Variants in KCND2 observed in about 807,000 individuals in gnomAD.
The protein encoded by KCND2 is A-type voltage-gated potassium channel KCND2.
In KCND2, 16 loss-of-function variants were observed where a neutral mutation model predicts 54.4. The ratio of observed to expected loss-of-function variants is 0.29; its 90% CI spans 0.20 to 0.45. The LOEUF is 0.45. KCND2 is among the 20% of genes least tolerant of loss of function. The pLI, the probability that KCND2 is intolerant of heterozygous loss-of-function variation, is 1.00. For missense variants in KCND2, 486 were observed against 824.2 expected (o/e 0.59, Z 5.02); for synonymous variants, 317 against 310.7 (o/e 1.02, Z -0.21).
chr7:120,673,478 T>C (rs960675116), intron 1 of KCND2, among the ~76,000 whole-genome samples: 1 of 152,104 alleles, frequency 6.6e-6, no homozygotes, highest in African/African-American at 2.4e-5. Flanking sequence ...TTATCATTGG[T>C]ACATTCAGTT....
intron 1 of KCND2, among the ~76,000 whole-genome samples, chr7:120,686,635 GT>G (rs1288161055): frequency 2.6e-5 from 4 of 152,148 alleles, no homozygotes; most frequent in African/African-American, 9.7e-5. Context: ...CGAGTGCATG[GT>G]TTGACCTTTG....
intron 1 of KCND2, among the ~76,000 whole-genome samples, chr7:120,553,799 G>A (rs1047797812): frequency 6.6e-6 from 1 of 152,174 alleles, no homozygotes; most frequent in Non-Finnish European, 1.5e-5. Context: ...TTATATACAG[G>A]AGAAAACGAG....
chr7:120,663,797 A>G (rs960234596), intron 1 of KCND2, among the ~76,000 whole-genome samples: 2 of 152,210 alleles, frequency 1.3e-5, no homozygotes, highest in African/African-American at 4.8e-5. Flanking sequence ...AACATGCACC[A>G]CGATATTTCC....
At chr7:120,654,219 T>C (rs1197854468) in intron 1 of KCND2, among the ~76,000 whole-genome samples, 1 of 152,178 alleles carries the variant, frequency 6.6e-6, no homozygotes, top group Non-Finnish European at 1.5e-5. Context: ...TGCAGGATAT[T>C]TGATACTGTC....
intron 1 of KCND2, among the ~76,000 whole-genome samples, chr7:120,426,619 TCGCTCTGTCG>T (rs1428319931): frequency 3.9e-5 from 5 of 128,840 alleles, no homozygotes; most frequent in African/African-American, 1.6e-4. Flanking sequence ...AGATGGAGTC[TCGCTCTGTCG>T]CCCAGGCTGG....
intron 1 of KCND2, among the ~76,000 whole-genome samples, chr7:120,515,856 T>C (rs1261637384): frequency 1.3e-5 from 2 of 152,026 alleles, no homozygotes; most frequent in African/African-American, 2.4e-5. Context: ...CTTCATGAGA[T>C]AAAACTAATC....
chr7:120,288,938 A>G (rs1476884336), intron 1 of KCND2, among the ~76,000 whole-genome samples: 1 of 152,014 alleles, frequency 6.6e-6, no homozygotes, highest in African/African-American at 2.4e-5. Context: ...AGTCAGATAA[A>G]TAGAGAAGAG....
intron 1 of KCND2, among the ~76,000 whole-genome samples, chr7:120,284,039 A>C (rs1225360694): frequency 6.6e-6 from 1 of 152,202 alleles, no homozygotes; most frequent in Non-Finnish European, 1.5e-5. Flanking sequence ...AATTGGAAAT[A>C]CATGGGTTTG....
chr7:120,500,632 C>A (rs547635379), intron 1 of KCND2, among the ~76,000 whole-genome samples: 3 of 151,996 alleles, frequency 2.0e-5, no homozygotes, highest in Admixed American at 6.6e-5. Context: ...ACCAACCAAT[C>A]CAATAAGCAA....
At chr7:120,357,357 A>G (rs1175552663) in intron 1 of KCND2, among the ~76,000 whole-genome samples, 1 of 152,154 alleles carries the variant, frequency 6.6e-6, no homozygotes, top group East Asian at 1.9e-4. Context: ...TATTTTCATT[A>G]CAATGTGCTT....
At chr7:120,631,471 C>T (rs80068976) in intron 1 of KCND2, among the ~76,000 whole-genome samples, 72 of 152,092 alleles carry the variant, frequency 4.7e-4, no homozygotes, top group East Asian at 1.9e-3. Flanking sequence ...CATTAAAAAT[C>T]CAAGCTTTTG....
chr7:120,613,718 T>G (rs562217530), intron 1 of KCND2, among the ~76,000 whole-genome samples: 12 of 152,336 alleles, frequency 7.9e-5, no homozygotes, highest in African/African-American at 2.9e-4. Flanking sequence ...TCCTTCATTT[T>G]TCTTAGGTCC....
At chr7:120,545,327 C>A (rs534392306) in intron 1 of KCND2, among the ~76,000 whole-genome samples, 179 of 151,950 alleles carry the variant, frequency 1.2e-3, no homozygotes, top group African/African-American at 4.1e-3. Context: ...ATCATTGATG[C>A]TAAGCCAGGT....
intron 1 of KCND2, among the ~76,000 whole-genome samples, chr7:120,387,377 A>G (rs1801005509): frequency 6.6e-6 from 1 of 152,096 alleles, no homozygotes; most frequent in East Asian, 1.9e-4. Flanking sequence ...AGTCAAAAAT[A>G]TGAAGATTAA....
chr7:120,628,249 T>C (rs2402539), intron 1 of KCND2, among the ~76,000 whole-genome samples: 33,648 of 152,066 alleles, frequency 0.22, 5,191 homozygotes, highest in East Asian at 0.49. Context: ...CTCTCGTGAG[T>C]TGAGGACAGT....
chr7:120,500,063 A>G (rs1802910155), intron 1 of KCND2, among the ~76,000 whole-genome samples: 1 of 152,208 alleles, frequency 6.6e-6, no homozygotes, highest in African/African-American at 2.4e-5. Flanking sequence ...ATGAAATTAT[A>G]TATGTGGGCT....
At chr7:120,598,326 C>A (rs1792772591) in intron 1 of KCND2, among the ~76,000 whole-genome samples, 1 of 152,048 alleles carries the variant, frequency 6.6e-6, no homozygotes, top group Non-Finnish European at 1.5e-5. Flanking sequence ...ATGTTTAATG[C>A]ACTTAAGTGG....
At chr7:120,398,946 C>T (rs770213547) in intron 1 of KCND2, among the ~76,000 whole-genome samples, 11 of 151,966 alleles carry the variant, frequency 7.2e-5, no homozygotes, top group Non-Finnish European at 1.0e-4. Flanking sequence ...AACCAACCAG[C>T]TTGTTACGCT....
At chr7:120,430,917 T>C (rs762738590) in intron 1 of KCND2, among the ~76,000 whole-genome samples, 14 of 152,240 alleles carry the variant, frequency 9.2e-5, no homozygotes, top group Non-Finnish European at 1.6e-4. Context: ...GGAATTTTTA[T>C]TATTTTTAAT....
Sources: gnomAD v4.1 joint callset for allele counts (sites outside exome capture counted in the v4.1 genomes callset) on GRCh38, gnomAD v4.1.1 for gene constraint, MANE v1.5 for transcripts, NCBI Gene and HGNC (gene_info 2026-07-23, HGNC 2026-07-21) for gene names.